CEBPZOS: variants seen among roughly 807,000 people sequenced by gnomAD.
The protein encoded by CEBPZOS is CEBPZ opposite strand.
A neutral mutation model predicts 4.8 loss-of-function variants in CEBPZOS; 10 were observed. The ratio of observed to expected loss-of-function variants is 2.07; its 90% CI spans 1.28 to 3.52. The LOEUF (loss-of-function observed/expected upper bound fraction) is 3.52. Ranked by LOEUF, CEBPZOS falls within the 30% of genes most tolerant of loss-of-function variation. The pLI is 0.00. For missense variants in CEBPZOS, 98 were observed against 43.6 expected (o/e 2.25, Z -3.51); for synonymous variants, 25 against 14.2 (o/e 1.77, Z -1.72).
chr2:37,200,682 G>A (rs776818703), intron 2 of CEBPZOS, among the ~76,000 whole-genome samples: 4 of 149,938 alleles, frequency 2.7e-5, no homozygotes, highest in Non-Finnish European at 5.9e-5. Flanking sequence ...AAAGTGCTGG[G>A]CATGATGGTG....
intron 3 of CEBPZOS, 84 bp from the exon 4 acceptor site, chr2:37,201,558 A>G (rs1677233355): frequency 1.6e-6 from 1 of 636,842 alleles, no homozygotes; most frequent in Non-Finnish European, 2.8e-6. Context: ...GCAATATGGA[A>G]AAAAGAAGTT....
At chr2:37,210,991 T>C (rs1177079642) in intron 4 of CEBPZOS, 2 of 1,596,204 alleles carry the variant, frequency 1.3e-6, no homozygotes, top group East Asian at 4.5e-5. Flanking sequence ...TTAAATGTAT[T>C]TTCTTACCTT....
At chr2:37,215,714 T>C (rs1034794287), downstream of CEBPZOS, among the ~76,000 whole-genome samples, 1 of 152,176 alleles carries the variant, frequency 6.6e-6, no homozygotes, top group African/African-American at 2.4e-5. Context: ...TTATTAAGTT[T>C]AAAATGATGC....
rs970929048 is a variant in CEBPZOS, at chr2:37,202,253, T to C, written c.*393T>C. On this transcript the variant is annotated 3_prime_UTR_variant, in exon 5 of 5. Transcript: ENST00000402297. ...TAGTCTGCAAGGTTTTTTTTTTTTTTGCTTTAGTCTAAATACTTGTTAATC... is the reference window on the plus strand; with the variant it reads ...TAGTCTGCAAGGTTTTTTTTTTTTTCGCTTTAGTCTAAATACTTGTTAATC... The C allele has an allele frequency of 5.7e-6, 1 of 175,672 alleles. No homozygotes were observed. Among genetic ancestry groups the C allele is most frequent in the African/African-American group, 2.4e-5 (1 of 42,204 alleles). The allele number at this position is 175,672 out of a possible 1,614,324, so 10.9% of individuals were successfully genotyped here. A position where few individuals can be genotyped will look rare whatever the true frequency, so the allele number is the denominator to read the frequency against.
At chr2:37,211,075 T>A in intron 4 of CEBPZOS, 1 of 1,605,328 alleles carries the variant, frequency 6.2e-7, no homozygotes, top group African/African-American at 1.3e-5. Context: ...TGGAGTGGAC[T>A]TCAAGTTCTG....
intron 1 of CEBPZOS, among the ~76,000 whole-genome samples, chr2:37,199,228 A>G (rs1223867569): frequency 6.6e-6 from 1 of 152,094 alleles, no homozygotes; most frequent in African/African-American, 2.4e-5. Flanking sequence ...AGTATATGTA[A>G]TAGTGTATGT....
At chr2:37,200,415 T>G (rs1017044511) in intron 2 of CEBPZOS, among the ~76,000 whole-genome samples, 6 of 152,166 alleles carry the variant, frequency 3.9e-5, no homozygotes, top group Non-Finnish European at 7.4e-5. Context: ...GCATACTTGG[T>G]TGGAACGCTG....
intron 2 of CEBPZOS, 28 bp from the exon 3 acceptor site, chr2:37,201,020 A>T (rs923747946): frequency 7.0e-6 from 5 of 714,616 alleles, no homozygotes; most frequent in African/African-American, 1.8e-5. Context: ...GTTCATATCT[A>T]ATTTCAAGAC....
Position 37,202,674 on chromosome 2 carries a change from AAAAAAAAAAAAAAAAAAAGAAT to A in CEBPZOS, c.*818_*839del. On this transcript the variant is annotated 3_prime_UTR_variant, in exon 5 of 5. Transcript: ENST00000402297. ...AAAAAAAAAAAAAAAAAAAAAAAAA[AAAAAAAAAAAAAAAAAAAGAAT>A]AAATAAAATAACGAAAATTTCCTAT... The A allele has an allele frequency of 5.9e-6, 1 of 170,514 alleles. No homozygotes were observed. Among genetic ancestry groups the A allele is most frequent in the Non-Finnish European group, 1.0e-5 (1 of 96,832 alleles). The allele number at this position is 170,514 out of a possible 1,614,324, so 10.6% of individuals were successfully genotyped here.
chr2:37,207,872 G>GA (rs1572494509), downstream of CEBPZOS, among the ~76,000 whole-genome samples: 2 of 151,864 alleles, frequency 1.3e-5, no homozygotes, highest in African/African-American at 4.8e-5. Flanking sequence ...TGGTTCTGTG[G>GA]AAAAATAAAG....
At chr2:37,215,979 G>T, downstream of CEBPZOS, 1 of 468,966 alleles carries the variant, frequency 2.1e-6, no homozygotes. Context: ...GGCCCAGTCA[G>T]ATACAGTAGA....
downstream of CEBPZOS, among the ~76,000 whole-genome samples, chr2:37,207,634 T>G (rs1272714871): frequency 6.6e-6 from 1 of 152,144 alleles, no homozygotes; most frequent in Non-Finnish European, 1.5e-5. Context: ...TCAAAACCTC[T>G]GGGATACAGC....
chr2:37,216,116 C>A (rs1378976271), downstream of CEBPZOS: 11 of 1,546,182 alleles, frequency 7.1e-6, no homozygotes, highest in Non-Finnish European at 9.7e-6. Context: ...TTTTCAGTTT[C>A]AACTGTCTAA....
At chr2:37,201,306 A>G (rs1677219045) in intron 3 of CEBPZOS, 1 of 539,048 alleles carries the variant, frequency 1.9e-6, no homozygotes, top group African/African-American at 1.9e-5. Flanking sequence ...TAAACTCTGG[A>G]ATCATTCATA....
At chr2:37,208,379 G>C (rs552743257), downstream of CEBPZOS, among the ~76,000 whole-genome samples, 1 of 152,168 alleles carries the variant, frequency 6.6e-6, no homozygotes, top group East Asian at 1.9e-4. Flanking sequence ...CATGCACACA[G>C]ATGCAAAAAC....
chr2:37,212,693 T>C (rs1677761591), intron 4 of CEBPZOS: 1 of 406,912 alleles, frequency 2.5e-6, no homozygotes, highest in African/African-American at 2.0e-5. Flanking sequence ...TCGTCCTTTT[T>C]ACTCTATTAG....
At chr2:37,210,900 A>C in intron 4 of CEBPZOS, 2 of 593,734 alleles carry the variant, frequency 3.4e-6, no homozygotes, top group Non-Finnish European at 5.1e-6. Context: ...CCACCCCTGA[A>C]TTTTATTAAT....
rs771422886 is a variant in CEBPZOS at position 37,202,503 on chromosome 2, G to A, written c.*643G>A. 4.3e-5 allele frequency: 10 copies of A among 235,002 alleles called. No individual in the cohort carries two copies. Among genetic ancestry groups the A allele is most frequent in the Non-Finnish European group, 7.5e-5 (9 of 119,558 alleles). 14.6% of individuals were successfully genotyped at this position (235,002 alleles called of 1,614,324 possible). Reference sequence around the variant, plus strand: ...CTACTAAAAATACAAAAATTAGCTGGGCGTGGTGGTGCATGCCTGTAATCC... The same window carrying A: ...CTACTAAAAATACAAAAATTAGCTGAGCGTGGTGGTGCATGCCTGTAATCC... On this transcript the variant is annotated 3_prime_UTR_variant, in exon 5 of 5. Coordinates refer to ENST00000402297, the MANE Select transcript of CEBPZOS (RefSeq NM_001322374.2).
chr2:37,201,568 T>A (rs1677234220), intron 3 of CEBPZOS, 74 bp from the exon 4 acceptor site: 3 of 646,168 alleles, frequency 4.6e-6, no homozygotes, highest in Non-Finnish European at 8.3e-6. Flanking sequence ...AAAAAGAAGT[T>A]GTTTTTTTCA....
Sources: gnomAD v4.1 joint callset for allele counts (sites outside exome capture counted in the v4.1 genomes callset) on GRCh38, gnomAD v4.1.1 for gene constraint, MANE v1.5 for transcripts, NCBI Gene and HGNC (gene_info 2026-07-23, HGNC 2026-07-21) for gene names.